The following DENND5B variants were observed in gnomAD, a reference collection of about 807,000 sequenced individuals.
DENND5B encodes DENN domain-containing protein 5B.
A neutral mutation model predicts 140.6 loss-of-function variants in DENND5B; 34 were observed. The observed-to-expected ratio is 0.24, with a 90% CI of 0.18 to 0.32. DENND5B has a LOEUF of 0.32. Ranked by LOEUF, DENND5B falls within the 10% of genes least tolerant of loss-of-function variation. The pLI is 1.00. For synonymous variants in DENND5B, 551 were observed against 562.1 expected (o/e 0.98, Z 0.28); for missense variants, 1,142 against 1,560.2 (o/e 0.73, Z 4.52).
chr12:31,439,273 T>C (rs1311257633), intron 7 of DENND5B, among the ~76,000 whole-genome samples: 2 of 152,216 alleles, frequency 1.3e-5, no homozygotes, highest in Non-Finnish European at 2.9e-5. Context: ...CTGAGATCTT[T>C]TCTCTTGACT....
chr12:31,514,912 A>T (rs1947568327), intron 1 of DENND5B, among the ~76,000 whole-genome samples: 1 of 152,090 alleles, frequency 6.6e-6, no homozygotes, highest in African/African-American at 2.4e-5. Context: ...CAGGAGAATC[A>T]CTTTGGACCA....
At chr12:31,407,418 C>T (rs1212619697) in intron 14 of DENND5B, among the ~76,000 whole-genome samples, 3 of 152,138 alleles carry the variant, frequency 2.0e-5, no homozygotes, top group South Asian at 2.1e-4. Flanking sequence ...CTTGAGCCAC[C>T]GCGCCCGGCC....
intron 1 of DENND5B, among the ~76,000 whole-genome samples, chr12:31,546,758 G>C (rs575231114): frequency 6.6e-6 from 1 of 152,212 alleles, no homozygotes; most frequent in South Asian, 2.1e-4. Context: ...ACATCTAAAA[G>C]ACCCAGGGAG....
chr12:31,413,648 C>T, intron 12 of DENND5B, 84 bp from the exon 13 acceptor site: 1 of 1,440,198 alleles, frequency 6.9e-7, no homozygotes, highest in Non-Finnish European at 9.3e-7. Context: ...CAGTACTGGG[C>T]ACAGAAAGGT....
intron 19 of DENND5B, among the ~76,000 whole-genome samples, chr12:31,390,973 G>A (rs1305414237): frequency 2.6e-5 from 4 of 150,950 alleles, no homozygotes; most frequent in Non-Finnish European, 5.9e-5. Flanking sequence ...CTGAGATGGG[G>A]CCACTGCACT....
rs1321688789 is a variant in DENND5B at position 31,386,468 on chromosome 12, A to C, written c.*1135T>G. The C allele has an allele frequency of 2.0e-5, 3 of 151,902 alleles. No homozygotes were observed. The highest frequency in any genetic ancestry group is 4.4e-5 in the Non-Finnish European group (3 of 68,048). The allele number at this position is 151,902 out of a possible 1,614,324, so 9.4% of individuals were successfully genotyped here. On this transcript the variant is annotated 3_prime_UTR_variant, in exon 21 of 21. Coordinates refer to ENST00000389082, the MANE Select transcript of DENND5B (RefSeq NM_144973.4). ...TCTGGGTCAGTTGTTTTACATTATT[A>C]CTCCCCTTCCTACAAAGGAACGTAA... is the stretch of plus-strand genomic sequence containing the variant.
intron 2 of DENND5B, among the ~76,000 whole-genome samples, chr12:31,493,973 T>C (rs1946633370): frequency 6.6e-6 from 1 of 152,152 alleles, no homozygotes; most frequent in African/African-American, 2.4e-5. Flanking sequence ...ATATCTATCA[T>C]GCCTGCTACC....
At chr12:31,459,393 G>A (rs777929148) in intron 4 of DENND5B, among the ~76,000 whole-genome samples, 5 of 152,096 alleles carry the variant, frequency 3.3e-5, no homozygotes, top group Non-Finnish European at 7.4e-5. Context: ...GGGTTCAAGC[G>A]ATTCTCCTGC....
chr12:31,443,162 A>C (rs1020675386), intron 6 of DENND5B, among the ~76,000 whole-genome samples: 1 of 151,918 alleles, frequency 6.6e-6, no homozygotes, highest in African/African-American at 2.4e-5. Flanking sequence ...TGCAATCTCT[A>C]CCTCCTGGGT....
chr12:31,526,691 C>T (rs1808784470), intron 1 of DENND5B, among the ~76,000 whole-genome samples: 2 of 152,166 alleles, frequency 1.3e-5, no homozygotes, highest in Admixed American at 1.3e-4. Flanking sequence ...TGGAAAAATT[C>T]ACGAAATCCA....
chr12:31,450,369 T>TA (rs1944460847), intron 5 of DENND5B, among the ~76,000 whole-genome samples: 1 of 151,618 alleles, frequency 6.6e-6, no homozygotes, highest in South Asian at 2.1e-4. Context: ...AATTATCTTT[T>TA]GTTTTTTTGA....
At chr12:31,415,520 G>C in intron 11 of DENND5B, 72 bp from the exon 12 acceptor site, 5 of 1,251,414 alleles carry the variant, frequency 4.0e-6, no homozygotes, top group Non-Finnish European at 5.6e-6. Flanking sequence ...TAAATACTTT[G>C]AAACTGCTTC....
intron 16 of DENND5B, among the ~76,000 whole-genome samples, chr12:31,399,146 G>A (rs78060241): frequency 0.83 from 74,471 of 89,672 alleles, 30,433 homozygotes; most frequent in East Asian, 0.94. Context: ...AAAAAAAAAA[G>A]AGAGAGAAAG....
chr12:31,428,769 TC>T (rs776894035), intron 8 of DENND5B, among the ~76,000 whole-genome samples: 3 of 152,172 alleles, frequency 2.0e-5, no homozygotes, highest in Non-Finnish European at 4.4e-5. Flanking sequence ...TCTCCCTGTG[TC>T]GCCCAGGCTG....
At chr12:31,485,736 CCTCTCT>C (rs55748263) in intron 2 of DENND5B, among the ~76,000 whole-genome samples, 19,947 of 149,722 alleles carry the variant, frequency 0.13, 1,506 homozygotes, top group Non-Finnish European at 0.18. Flanking sequence ...GCTTCCATCT[CCTCTCT>C]CTCTCTCTCT....
chr12:31,461,077 ATTTTTCT>A (rs145919214), intron 3 of DENND5B, among the ~76,000 whole-genome samples: 3,123 of 150,362 alleles, frequency 0.021, 53 homozygotes, highest in South Asian at 0.052. Context: ...CACAATTCCC[ATTTTTCT>A]TTTTTCTTTT....
intron 2 of DENND5B, 137 bp downstream of exon 2, chr12:31,495,673 G>T: frequency 1.3e-6 from 1 of 741,054 alleles, no homozygotes; most frequent in Non-Finnish European, 2.1e-6. Context: ...ACCACACCCG[G>T]CCTCACATTT....
chr12:31,556,027 T>C (rs1164763516), intron 1 of DENND5B, among the ~76,000 whole-genome samples: 1 of 152,262 alleles, frequency 6.6e-6, no homozygotes, highest in Non-Finnish European at 1.5e-5. Context: ...TGCCTCGCCC[T>C]GCTTCGGCTT....
chr12:31,400,992 G>A (rs1941766858), intron 15 of DENND5B, among the ~76,000 whole-genome samples: 1 of 152,064 alleles, frequency 6.6e-6, no homozygotes, highest in African/African-American at 2.4e-5. Flanking sequence ...ACAGGCATGT[G>A]CCACCATGCC....
Sources: allele counts gnomAD v4.1 joint callset (sites outside exome capture counted in the v4.1 genomes callset), GRCh38; gene constraint gnomAD v4.1.1; transcripts MANE v1.5; gene names NCBI Gene and HGNC (gene_info 2026-07-23, HGNC 2026-07-21).